The following MACF1 variants were observed in gnomAD, a reference collection of about 807,000 sequenced individuals.
The protein encoded by MACF1 is microtubule-actin cross-linking factor 1.
A neutral mutation model predicts 854.8 loss-of-function variants in MACF1; 193 were observed. The observed-to-expected ratio is 0.23, with a 90% CI of 0.20 to 0.25. The LOEUF is 0.25. MACF1 is among the 10% of genes least tolerant of loss of function. The probability of loss-of-function intolerance (pLI) is 1.00; values close to 1 mark genes in which losing one functional copy is unlikely to be tolerated. For synonymous variants in MACF1, 3,185 were observed against 3,226.7 expected (o/e 0.99, Z 0.44); for missense variants, 7,722 against 8,929.1 (o/e 0.86, Z 5.45).
At chr1:39,267,514 G>A (rs751212902) in intron 6 of MACF1, among the ~76,000 whole-genome samples, 15 of 152,200 alleles carry the variant, frequency 9.9e-5, no homozygotes, top group Non-Finnish European at 1.8e-4. Context: ...TATAATAGGC[G>A]TGAGCCACTG....
Position 39,385,551 on chromosome 1 carries a change from G to C in MACF1, c.13966G>C (p.Glu4656Gln). 1 of 1,614,138 alleles carries C rather than the reference G, an allele frequency of 6.2e-7. No individual in the cohort carries two copies. The highest frequency in any genetic ancestry group is 8.5e-7 in the Non-Finnish European group (1 of 1,180,044). ...VSLSTSQVQKELQSINQKWVE... is the reference protein window; with the variant it reads ...VSLSTSQVQKQLQSINQKWVE... The stretch of plus-strand genomic sequence containing the variant: ...TCTGTCCACCAGCCAAGTACAGAAA[G>C]AACTCCAGAGCATCAATCAGAAATG... The change falls in exon 57 of 101, where the codon GAA becomes CAA. Residue 4656 changes from glutamate (E) to glutamine (Q), a missense_variant. Glu to Gln is a conservative substitution (Grantham distance 29, BLOSUM62 2). Coordinates refer to ENST00000564288, the MANE Select transcript of MACF1 (RefSeq NM_001394062.1).
chr1:39,461,898 A>G lies in MACF1; in HGVS notation c.21539A>G (p.Lys7180Arg). The change falls in exon 93 of 101, where the codon AAG (lysine) becomes AGG (arginine). Residue 7180 changes from lysine (K) to arginine (R), a missense_variant. By Grantham distance (26) the Lys-to-Arg change is conservative. This residue lies in a region of MACF1 where 153 missense variants were observed against 342.5 expected (regional missense o/e 0.45). Transcript: ENST00000564288. ...GILASKFPTT[K>R]LEMTAVADIF... ...TTTTCTCCAGAGTTCCCCACCACCA[A>G]GTTAGAGATGACTGCTGTGGCTGAC... The G allele has an allele frequency of 1.2e-6, 2 of 1,613,584 alleles. No individual in the cohort carries two copies. Among genetic ancestry groups the G allele is most frequent in the Non-Finnish European group, 1.7e-6 (2 of 1,179,806 alleles).
intron 1 of MACF1, among the ~76,000 whole-genome samples, chr1:39,214,621 A>G (rs1644554127): frequency 6.6e-6 from 1 of 152,152 alleles, no homozygotes; most frequent in Non-Finnish European, 1.5e-5. Context: ...AGGCTGGCTG[A>G]GGCGAGGCTG....
chr1:39,110,607 C>G (rs1457072180), intron 2 of MACF1, among the ~76,000 whole-genome samples: 3 of 152,182 alleles, frequency 2.0e-5, no homozygotes, highest in African/African-American at 7.2e-5. Context: ...TTAGCCAGAA[C>G]AAAAGAGTAA....
intron 40 of MACF1, among the ~76,000 whole-genome samples, chr1:39,346,386 T>C (rs1432959713): frequency 6.6e-6 from 1 of 152,042 alleles, no homozygotes; most frequent in Non-Finnish European, 1.5e-5. Flanking sequence ...CACAGATATT[T>C]TGGATTAACA....
At chr1:39,341,079 G>T in intron 40 of MACF1, 126 bp downstream of exon 40, 1 of 843,990 alleles carries the variant, frequency 1.2e-6, no homozygotes, top group Non-Finnish European at 1.7e-6. Flanking sequence ...TGTCACCCAA[G>T]CTGGAGTGCA....
At chr1:39,298,733 G>A (rs1213709104) in intron 21 of MACF1, 1 of 396,682 alleles carries the variant, frequency 2.5e-6, no homozygotes, top group Non-Finnish European at 4.9e-6. Flanking sequence ...AATTTGGAAT[G>A]AAGGATGAAA....
intron 99 of MACF1, among the ~76,000 whole-genome samples, chr1:39,482,996 G>A (rs906404921): frequency 6.8e-6 from 1 of 147,096 alleles, no homozygotes; most frequent in Non-Finnish European, 1.5e-5. Context: ...TGAGGTGGGA[G>A]GATTGCTTGA....
At chr1:39,313,452 T>G (rs904871820) in intron 26 of MACF1, among the ~76,000 whole-genome samples, 5 of 152,160 alleles carry the variant, frequency 3.3e-5, no homozygotes, top group Admixed American at 1.3e-4. Flanking sequence ...CTTTTCTAAT[T>G]CTGTCGTTCC....
intron 88 of MACF1, 105 bp downstream of exon 88, chr1:39,453,955 T>A: frequency 7.5e-7 from 1 of 1,337,188 alleles, no homozygotes; most frequent in African/African-American, 1.5e-5. Flanking sequence ...TCACTGTGAA[T>A]AACTCAGCAA....
intron 47 of MACF1, among the ~76,000 whole-genome samples, chr1:39,359,819 C>T (rs1049524235): frequency 1.3e-5 from 2 of 148,932 alleles, no homozygotes; most frequent in Non-Finnish European, 3.0e-5. Context: ...AAATACAAAA[C>T]AAACAAACAA....
At chr1:39,472,927 T>G (rs1292699465) in intron 97 of MACF1, among the ~76,000 whole-genome samples, 1 of 152,240 alleles carries the variant, frequency 6.6e-6, no homozygotes, top group Non-Finnish European at 1.5e-5. Flanking sequence ...AACCACTGTT[T>G]ACAGTCTCAG....
At chr1:39,247,557 C>T (rs1644996131) in intron 2 of MACF1, among the ~76,000 whole-genome samples, 1 of 151,994 alleles carries the variant, frequency 6.6e-6, no homozygotes, top group East Asian at 1.9e-4. Flanking sequence ...TGGTGTGCTA[C>T]TGTATATTTC....
chr1:39,440,681 C>G (rs1461248766), intron 72 of MACF1, among the ~76,000 whole-genome samples: 1 of 151,834 alleles, frequency 6.6e-6, no homozygotes, highest in African/African-American at 2.4e-5. Context: ...GTTATTTTAC[C>G]CTTGATATGT....
chr1:39,132,676 G>A (rs140455241), intron 2 of MACF1, among the ~76,000 whole-genome samples: 2 of 152,220 alleles, frequency 1.3e-5, no homozygotes, highest in African/African-American at 4.8e-5. Flanking sequence ...TGGAAGAAAT[G>A]GATATTTTTT....
intron 2 of MACF1, among the ~76,000 whole-genome samples, chr1:39,109,555 G>A (rs1211502279): frequency 1.3e-5 from 2 of 151,802 alleles, no homozygotes; most frequent in Admixed American, 6.6e-5. Flanking sequence ...GATTACAGGC[G>A]TGAGCCATTG....
chr1:39,381,179 T>G (rs1650156181), intron 55 of MACF1, among the ~76,000 whole-genome samples: 1 of 152,002 alleles, frequency 6.6e-6, no homozygotes, highest in Non-Finnish European at 1.5e-5. Context: ...TGCCTCAGCC[T>G]CCCGAGTAGC....
intron 50 of MACF1, among the ~76,000 whole-genome samples, chr1:39,368,653 C>CTGTAT (rs1648947520): frequency 6.6e-6 from 1 of 152,042 alleles, no homozygotes; most frequent in Non-Finnish European, 1.5e-5. Flanking sequence ...AGGCGCCCAC[C>CTGTAT]ACCATGCTCA....
At chr1:39,310,751 C>A in intron 25 of MACF1, 80 bp from the exon 26 acceptor site, 1 of 1,355,262 alleles carries the variant, frequency 7.4e-7, no homozygotes, top group Non-Finnish European at 1.0e-6. Flanking sequence ...TAAATAAAGC[C>A]TTGCTTTCAT....
Sources: gnomAD v4.1 joint callset for allele counts (sites outside exome capture counted in the v4.1 genomes callset) on GRCh38, gnomAD v4.1.1 for gene constraint, gnomAD v4.1.1 regional missense constraint, MANE v1.5 for transcripts, NCBI Gene and HGNC (gene_info 2026-07-23, HGNC 2026-07-21) for gene names.